HERC1: variants seen among roughly 807,000 people sequenced by gnomAD.
The protein encoded by HERC1 is HECT and RLD domain containing E3 ubiquitin protein ligase family member 1, also known as probable E3 ubiquitin-protein ligase HERC1.
HERC1 carries 160 observed loss-of-function variants against 554.3 expected under a neutral mutation model. That is an observed-to-expected ratio of 0.29 (90% CI 0.25 to 0.33). The LOEUF (loss-of-function observed/expected upper bound fraction) is 0.33, where lower values mean the gene tolerates loss of function less well. Ranked by LOEUF, HERC1 falls within the 10% of genes least tolerant of loss-of-function variation. HERC1 has a pLI of 1.00. For missense variants in HERC1, 4,919 were observed against 5,918.5 expected (o/e 0.83, Z 5.54); for synonymous variants, 2,175 against 2,131.7 (o/e 1.02, Z -0.56).
At position 63,775,629 on chromosome 15, in the gene HERC1, T is replaced by C; in HGVS notation, c.-6A>G. ...GGTGGAATCATAGTTGCCATGTTGA[T>C]TTATCCTTCAGCCATTAGTCCTGCA... On this transcript the variant is annotated 5_prime_UTR_variant, in exon 2 of 78. Transcript: ENST00000443617. This position sits in a 1 kb window ranked among gnomAD's most constrained non-coding sequence, Gnocchi z 4.0. 6.3e-7 allele frequency: 1 copy of C among 1,583,742 alleles called. No individual in the cohort carries two copies. The highest frequency in any genetic ancestry group is 8.6e-7 in the Non-Finnish European group (1 of 1,166,508).
At chr15:63,637,419 A>C (rs1441810333) in intron 64 of HERC1, 86 bp downstream of exon 64, 1 of 1,113,368 alleles carries the variant, frequency 9.0e-7, no homozygotes, top group African/African-American at 1.6e-5. Context: ...TTATCTAGCA[A>C]AGGTTTGAGA....
chr15:63,723,793 T>C (rs552144611), intron 18 of HERC1, among the ~76,000 whole-genome samples: 1 of 152,154 alleles, frequency 6.6e-6, no homozygotes, highest in Non-Finnish European at 1.5e-5. Flanking sequence ...TAGACTTAAG[T>C]AAAAATAATC....
chr15:63,707,030 C>T (rs1434042893), intron 24 of HERC1, among the ~76,000 whole-genome samples, 199 bp from the exon 25 acceptor site: 1 of 152,186 alleles, frequency 6.6e-6, no homozygotes, highest in African/African-American at 2.4e-5. Flanking sequence ...ACATATAACT[C>T]TGAAACACTA....
Position 63,664,332 on chromosome 15 carries a change from G to A in HERC1, c.8680+138C>T. 3 of 682,940 alleles carry A rather than the reference G, an allele frequency of 4.4e-6. No homozygotes were observed. The South Asian group carries it at 7.5e-5, about 17-fold the overall frequency. 42.3% of individuals were successfully genotyped at this position (682,940 alleles called of 1,614,324 possible). A position where few individuals can be genotyped will look rare whatever the true frequency, so the allele number is the denominator to read the frequency against. On this transcript the variant is annotated intron_variant, in intron 43 of 77. Coordinates refer to ENST00000443617, the MANE Select transcript of HERC1 (RefSeq NM_003922.4). ...AAAATTATGTAAATGCATAGAAAAT[G>A]ATATCCAAATAGCTGTTCTGTTAAT...
At chr15:63,641,112 C>T (rs1449643343) in intron 60 of HERC1, among the ~76,000 whole-genome samples, 1 of 152,192 alleles carries the variant, frequency 6.6e-6, no homozygotes, top group Non-Finnish European at 1.5e-5. Flanking sequence ...CCATCCCTAT[C>T]CCTCAACTTT....
rs2075158816 is a variant in HERC1 at position 63,749,215 on chromosome 15, C to A, written c.2219+152G>T. Among the ~76,000 whole-genome samples the A allele has an allele frequency of 6.6e-6, 1 of 152,110 alleles. No individual in the cohort carries two copies. The highest frequency in any genetic ancestry group is 6.6e-5 in the Admixed American group (1 of 15,266). ...ATTCAAATAAAAAGAAATCTAATGT[C>A]ATTTCTATGATAGAGAAAAAGCAAT... On this transcript the variant is annotated intron_variant, in intron 10 of 77. Transcript: ENST00000443617. This position sits in a 1 kb window ranked among gnomAD's most constrained non-coding sequence, Gnocchi z 4.1.
intron 21 of HERC1, among the ~76,000 whole-genome samples, chr15:63,717,518 T>C (rs1596055393): frequency 6.6e-6 from 1 of 152,338 alleles, no homozygotes; most frequent in Non-Finnish European, 1.5e-5. Flanking sequence ...CTTTAGAAAT[T>C]ATCTCCTTTT....
intron 1 of HERC1, among the ~76,000 whole-genome samples, chr15:63,793,301 A>G (rs1417588656): frequency 6.6e-6 from 1 of 152,234 alleles, no homozygotes; most frequent in Non-Finnish European, 1.5e-5. Flanking sequence ...TGGTTGCAGT[A>G]AAGAAGCTGG....
chr15:63,828,023 G>C (rs987764131), intron 1 of HERC1, among the ~76,000 whole-genome samples: 2 of 152,106 alleles, frequency 1.3e-5, no homozygotes, highest in African/African-American at 4.8e-5. Flanking sequence ...GGTGATGAAA[G>C]TGTTCCGGAA....
rs2072567790 is a variant in HERC1 at position 63,698,802 on chromosome 15, C to G, written c.4831G>C (p.Glu1611Gln). ...GDVGNAPGFK[E>Q]PEESMSTSPQ... The stretch of plus-strand genomic sequence containing the variant: ...CTTGTAGACATACTTTCCTCTGGCT[C>G]TTTAAAACCTGGGGCATTCCCCACA... The change falls in exon 26 of 78, where the codon GAG becomes CAG. Residue 1611 changes from glutamate to glutamine, a missense_variant. Glu to Gln is a conservative substitution (Grantham distance 29). Around this residue, in one of 11 missense-constraint regions of HERC1, gnomAD observed 1,121 missense variants for 1,244.0 expected, o/e 0.90. Coordinates refer to ENST00000443617, the MANE Select transcript of HERC1 (RefSeq NM_003922.4). The G allele has an allele frequency of 6.2e-7, 1 of 1,613,810 alleles. No individual in the cohort carries two copies. Among genetic ancestry groups the G allele is most frequent in the South Asian group, 1.1e-5 (1 of 91,086 alleles).
chr15:63,626,930 T>A (rs1595848534), intron 70 of HERC1, among the ~76,000 whole-genome samples: 1 of 152,308 alleles, frequency 6.6e-6, no homozygotes, highest in Non-Finnish European at 1.5e-5. Flanking sequence ...CAGTAGGTGC[T>A]ATTATTATCC....
At chr15:63,720,102 C>CTTTTTTTTTTTTTTTTTTT (rs1214451219) in intron 19 of HERC1, among the ~76,000 whole-genome samples, 2 of 20,958 alleles carry the variant, frequency 9.5e-5, no homozygotes, top group Non-Finnish European at 2.8e-4. Flanking sequence ...CTTTTTCTTC[C>CTTTTTTTTTTTTTTTTTTT]CTTTTTTTTT....
intron 1 of HERC1, among the ~76,000 whole-genome samples, chr15:63,825,064 T>G (rs1054305762): frequency 6.6e-6 from 1 of 152,054 alleles, no homozygotes; most frequent in Admixed American, 6.5e-5. Context: ...ATCCCAGCAC[T>G]GTGGGAGGCC....
In HERC1 at chr15:63,775,614, T is replaced by C. The variant is rs375485591; in HGVS notation, c.10A>G (p.Met4Val). 32 of 1,593,372 alleles carry C rather than the reference T, an allele frequency of 2.0e-5. No homozygotes were observed. Among genetic ancestry groups the C allele is most frequent in the South Asian group, 2.3e-5 (2 of 86,816 alleles). ...CATTTCAGCTTCACTGGTGGAATCA[T>C]AGTTGCCATGTTGATTTATCCTTCA... is the stretch of plus-strand genomic sequence containing the variant. Reference protein sequence around the residue: MATMIPPVKLKWLE... With the variant: MATVIPPVKLKWLE... The change falls in exon 2 of 78, where the codon ATG becomes GTG. Residue 4 changes from methionine to valine, a missense_variant. Met to Val is a conservative substitution (Grantham distance 21). Around this residue, in one of 11 missense-constraint regions of HERC1, gnomAD observed 110 missense variants for 99.3 expected, o/e 1.11. Coordinates refer to ENST00000443617, the MANE Select transcript of HERC1 (RefSeq NM_003922.4). The surrounding 1 kb of genome is among the most constrained non-coding windows in gnomAD (Gnocchi z 4.0).
At position 63,675,073 on chromosome 15, in the gene HERC1, A is replaced by G; in HGVS notation, c.7115T>C (p.Leu2372Pro). 2 of 1,613,246 alleles carry G rather than the reference A, an allele frequency of 1.2e-6. No individual in the cohort carries two copies. Among genetic ancestry groups the G allele is most frequent in the Non-Finnish European group, 1.7e-6 (2 of 1,179,380 alleles). Residue 2372 changes from leucine to proline, a missense_variant, in exon 38 of 78, where the codon CTG becomes CCG. Around this residue, in one of 11 missense-constraint regions of HERC1, gnomAD observed 1,963 missense variants for 2,228.6 expected, o/e 0.88. Transcript: ENST00000443617. ...AAACGGCAATGGTTCACAGGGTTCC[A>G]GATTATACAATGGAGTATCACTAGG... Reference protein sequence around the residue: ...WSPSDTPLYNLEPCEPLPFDV... With the variant: ...WSPSDTPLYNPEPCEPLPFDV...
At chr15:63,637,784 C>T (rs1275626429) in intron 63 of HERC1, 141 bp from the exon 64 acceptor site, 2 of 201,454 alleles carry the variant, frequency 9.9e-6, no homozygotes, top group Admixed American at 2.1e-4. Flanking sequence ...GTTGATATAA[C>T]TATGCAGTCC....
chr15:63,659,824 T>G lies in HERC1; in HGVS notation c.9336A>C (p.Pro3112=). ...GTGGATCGCTGTCAGGGAACTGAAC[T>G]GGTTCTGGTACAATGCGCCGGTCAT... ...GLNDRRIVPE[P]VQFPDSDPLG... The change falls in exon 47 of 78, where the codon CCA becomes CCC. Residue 3112 remains proline (P), a synonymous_variant. Coordinates refer to ENST00000443617, the MANE Select transcript of HERC1 (RefSeq NM_003922.4). 6.2e-7 allele frequency: 1 copy of G among 1,613,974 alleles called. No individual in the cohort carries two copies. The highest frequency in any genetic ancestry group is 8.5e-7 in the Non-Finnish European group (1 of 1,179,854).
At position 63,656,204 on chromosome 15, in the gene HERC1, C is replaced by G. The variant is rs941115835; in HGVS notation, c.9754G>C (p.Gly3252Arg). The change falls in exon 49 of 78, where the codon GGG (glycine) becomes CGG (arginine). Residue 3252 changes from glycine (G) to arginine (R), a missense_variant. Transcript: ENST00000443617. ...MASTSERSRG[G>R]HSKANKPISC... ...ATAGGCTTGTTAGCCTTGCTATGCC[C>G]ACCTCGTGATCGTTCTGAGGTGCTA... The G allele has an allele frequency of 6.2e-7, 1 of 1,613,026 alleles. No individual in the cohort carries two copies. The highest frequency in any genetic ancestry group is 8.5e-7 in the Non-Finnish European group (1 of 1,179,488).
intron 13 of HERC1, among the ~76,000 whole-genome samples, 177 bp from the exon 14 acceptor site, chr15:63,733,322 G>A (rs1220381484): frequency 6.6e-6 from 1 of 152,052 alleles, no homozygotes. Context: ...ATGGGATTTA[G>A]GAAAATGCAA....
Sources: allele counts gnomAD v4.1 joint callset (sites outside exome capture counted in the v4.1 genomes callset), GRCh38; gene constraint gnomAD v4.1.1; regional missense constraint gnomAD v4.1.1; non-coding constraint Gnocchi (gnomAD v3.1); transcripts MANE v1.5; gene names NCBI Gene and HGNC (gene_info 2026-07-23, HGNC 2026-07-21).